The following ANKRD31 variants were observed in gnomAD, a reference collection of about 807,000 sequenced individuals.
ANKRD31 encodes ankyrin repeat domain-containing protein 31.
In ANKRD31, 147 loss-of-function variants were observed where a neutral mutation model predicts 186.0. That is an observed-to-expected ratio of 0.79 (90% CI 0.69 to 0.91). The LOEUF is 0.91. ANKRD31 is among the 40% of genes least tolerant of loss of function. The pLI, the probability that ANKRD31 is intolerant of heterozygous loss-of-function variation, is 0.00. For missense variants in ANKRD31, 1,986 were observed against 2,148.8 expected, an observed-to-expected ratio of 0.92 and a Z score of 1.50; for synonymous variants, 673 against 736.4, an observed-to-expected ratio of 0.91 and a Z score of 1.39.
chr5:75,137,736 G>A (rs1750706335), intron 17 of ANKRD31, 120 bp downstream of exon 17: 1 of 896,434 alleles, frequency 1.1e-6, no homozygotes, highest in Non-Finnish European at 1.5e-6. Flanking sequence ...ATTTGAAGCA[G>A]GTTTTAAAAA....
chr5:75,235,792 T>G (rs1230139787), intron 1 of ANKRD31, among the ~76,000 whole-genome samples: 7 of 152,206 alleles, frequency 4.6e-5, no homozygotes, highest in Non-Finnish European at 1.0e-4. Flanking sequence ...TTTTTCTCTC[T>G]TTTCTTAACT....
intron 10 of ANKRD31, among the ~76,000 whole-genome samples, chr5:75,178,202 C>T (rs1490447447): frequency 6.6e-6 from 1 of 152,196 alleles, no homozygotes; most frequent in African/African-American, 2.4e-5. Flanking sequence ...AATATATATG[C>T]ACCCAATACA....
intron 17 of ANKRD31, among the ~76,000 whole-genome samples, chr5:75,134,649 C>T (rs1445867089): frequency 1.3e-5 from 2 of 152,160 alleles, no homozygotes; most frequent in Non-Finnish European, 2.9e-5. Flanking sequence ...AGGGAATCCT[C>T]CCTAACTCAT....
intron 10 of ANKRD31, among the ~76,000 whole-genome samples, chr5:75,180,972 C>T (rs1754239922): frequency 6.6e-6 from 1 of 151,046 alleles, no homozygotes; most frequent in Non-Finnish European, 1.5e-5. Context: ...AAAATTTTTG[C>T]AACCTACTCA....
chr5:75,122,777 AC>A (rs1748906218), intron 17 of ANKRD31, among the ~76,000 whole-genome samples: 1 of 152,078 alleles, frequency 6.6e-6, no homozygotes, highest in South Asian at 2.1e-4. Flanking sequence ...AGTAGAAAAA[AC>A]ATACCTCAAA....
At chr5:75,094,586 C>T (rs1168670183) in intron 22 of ANKRD31, among the ~76,000 whole-genome samples, 2 of 151,566 alleles carry the variant, frequency 1.3e-5, no homozygotes, top group South Asian at 2.1e-4. Flanking sequence ...AAATATTCAC[C>T]GATTGCAAAA....
chr5:75,116,524 A>G, intron 19 of ANKRD31, 42 bp downstream of exon 19: 1 of 1,252,966 alleles, frequency 8.0e-7, no homozygotes, highest in Non-Finnish European at 1.0e-6. Context: ...AAAGAATGGC[A>G]TTTTCTAAGA....
intron 17 of ANKRD31, among the ~76,000 whole-genome samples, chr5:75,131,671 C>A (rs563437597): frequency 6.6e-6 from 1 of 152,290 alleles, no homozygotes; most frequent in South Asian, 2.1e-4. Flanking sequence ...GTGGTTCTCC[C>A]AGCATGGAGT....
At chr5:75,096,519 G>T (rs2150040665) in intron 22 of ANKRD31, among the ~76,000 whole-genome samples, 1 of 152,210 alleles carries the variant, frequency 6.6e-6, no homozygotes, top group East Asian at 1.9e-4. Flanking sequence ...AGTTTAATTA[G>T]ATCCCATTTG....
At chr5:75,138,306 G>A (rs948638239) in intron 16 of ANKRD31, among the ~76,000 whole-genome samples, 2 of 152,082 alleles carry the variant, frequency 1.3e-5, no homozygotes, top group South Asian at 2.1e-4. Flanking sequence ...ATATTAAAAC[G>A]TCTGACTTTC....
At position 75,154,185 on chromosome 5, in the gene ANKRD31, G is replaced by T; in HGVS notation, c.1852+16C>A. On this transcript the variant is annotated intron_variant, in intron 12 of 25. Coordinates refer to ENST00000506364, the MANE Select transcript of ANKRD31 (RefSeq NM_001372053.1). ...CTGATGTGACAAATAGCTATTACAG[G>T]GCAGTTTAATCTTACCTGATGTAAG... is the stretch of plus-strand genomic sequence containing the variant. 2 of 1,470,680 alleles carry T rather than the reference G, an allele frequency of 1.4e-6. No homozygotes were observed. Among genetic ancestry groups the T allele is most frequent in the Non-Finnish European group, 9.0e-7 (1 of 1,114,254 alleles). 91.1% of individuals were successfully genotyped at this position (1,470,680 alleles called of 1,614,324 possible).
chr5:75,220,209 C>A (rs1757198621), intron 3 of ANKRD31, among the ~76,000 whole-genome samples: 1 of 152,120 alleles, frequency 6.6e-6, no homozygotes, highest in African/African-American at 2.4e-5. Flanking sequence ...AGGCAACCTA[C>A]AGAATGGTAG....
intron 2 of ANKRD31, among the ~76,000 whole-genome samples, chr5:75,228,502 AT>A (rs2150317864): frequency 6.6e-6 from 1 of 152,310 alleles, no homozygotes; most frequent in African/African-American, 2.4e-5. Context: ...CTTCTTTAAC[AT>A]GAAAGTAAAT....
intron 22 of ANKRD31, among the ~76,000 whole-genome samples, chr5:75,098,989 G>A (rs940897022): frequency 7.9e-5 from 12 of 152,190 alleles, no homozygotes; most frequent in African/African-American, 2.9e-4. Flanking sequence ...TGGTGAGAGA[G>A]GGCATCCCTG....
At chr5:75,097,720 G>T (rs1372262513) in intron 22 of ANKRD31, among the ~76,000 whole-genome samples, 1 of 152,178 alleles carries the variant, frequency 6.6e-6, no homozygotes, top group Non-Finnish European at 1.5e-5. Flanking sequence ...TTTTAGTCAT[G>T]AAGTCCTTGC....
intron 5 of ANKRD31, among the ~76,000 whole-genome samples, chr5:75,204,157 T>A (rs750464433): frequency 1.3e-5 from 2 of 152,206 alleles, no homozygotes; most frequent in African/African-American, 4.8e-5. Context: ...TTGAAATAAT[T>A]TTTTACCATT....
intron 11 of ANKRD31, among the ~76,000 whole-genome samples, chr5:75,161,331 G>T (rs1431860717): frequency 6.6e-6 from 1 of 152,184 alleles, no homozygotes; most frequent in Non-Finnish European, 1.5e-5. Flanking sequence ...GAGACTGGCA[G>T]CATTTTGCCC....
chr5:75,207,120 C>G (rs1255589975), intron 4 of ANKRD31, among the ~76,000 whole-genome samples: 1 of 152,000 alleles, frequency 6.6e-6, no homozygotes, highest in Non-Finnish European at 1.5e-5. Flanking sequence ...AAGATACCTT[C>G]CTTTAAAAAA....
intron 22 of ANKRD31, among the ~76,000 whole-genome samples, chr5:75,092,611 T>C (rs1354038161): frequency 6.6e-6 from 1 of 151,818 alleles, no homozygotes; most frequent in Admixed American, 6.6e-5. Flanking sequence ...AACAAGCAAA[T>C]AGCAATAAGA....
Sources: allele counts gnomAD v4.1 joint callset (sites outside exome capture counted in the v4.1 genomes callset), GRCh38; gene constraint gnomAD v4.1.1; transcripts MANE v1.5; gene names NCBI Gene and HGNC (gene_info 2026-07-23, HGNC 2026-07-21).